The following LPGAT1 variants were observed in gnomAD, a reference collection of about 807,000 sequenced individuals.
LPGAT1 encodes acyl-CoA:lysophosphatidylglycerol acyltransferase 1.
Under a neutral mutation model 47.5 loss-of-function variants are expected in LPGAT1, and 11 were observed. That is an observed-to-expected ratio of 0.23 (90% CI 0.15 to 0.38). The LOEUF (loss-of-function observed/expected upper bound fraction) is 0.38, where lower values mean the gene tolerates loss of function less well. Ranked by LOEUF, LPGAT1 falls within the 10% of genes least tolerant of loss-of-function variation. The pLI is 1.00. For missense variants in LPGAT1, 293 were observed against 439.0 expected, an observed-to-expected ratio of 0.67 and a Z score of 2.97; for synonymous variants, 138 against 144.2, an observed-to-expected ratio of 0.96 and a Z score of 0.31.
intron 2 of LPGAT1, among the ~76,000 whole-genome samples, chr1:211,818,483 A>C (rs1660257719): frequency 1.3e-5 from 2 of 152,208 alleles, no homozygotes; most frequent in Admixed American, 1.3e-4. Flanking sequence ...AAATCTCCCT[A>C]ATTTGAAATG....
chr1:211,797,802 T>C (rs1337573049), intron 2 of LPGAT1, among the ~76,000 whole-genome samples: 1 of 152,098 alleles, frequency 6.6e-6, no homozygotes, highest in Non-Finnish European at 1.5e-5. Flanking sequence ...CTCTATGAAA[T>C]GAATTCTCAA....
chr1:211,799,609 C>T (rs1052969459), intron 2 of LPGAT1, among the ~76,000 whole-genome samples: 3 of 152,086 alleles, frequency 2.0e-5, no homozygotes, highest in African/African-American at 7.2e-5. Flanking sequence ...ATGATTATGC[C>T]AGGGAATAGG....
chr1:211,819,180 C>A (rs954547113), intron 2 of LPGAT1, among the ~76,000 whole-genome samples: 9 of 152,030 alleles, frequency 5.9e-5, no homozygotes, highest in African/African-American at 1.7e-4. Context: ...TTTCAGAAAA[C>A]CTAGGAGAAA....
At chr1:211,751,584 G>C (rs768255651) in intron 6 of LPGAT1, among the ~76,000 whole-genome samples, 4 of 152,146 alleles carry the variant, frequency 2.6e-5, no homozygotes, top group African/African-American at 4.8e-5. Context: ...TACCGGTTGG[G>C]AGTGGCTACC....
intron 6 of LPGAT1, among the ~76,000 whole-genome samples, chr1:211,771,759 T>C (rs948789910): frequency 1.3e-5 from 2 of 152,104 alleles, no homozygotes; most frequent in African/African-American, 4.8e-5. Flanking sequence ...GCCTCAGGCC[T>C]CCCAAAGTGC....
chr1:211,813,286 A>T (rs61433360), intron 2 of LPGAT1, among the ~76,000 whole-genome samples: 2,698 of 152,288 alleles, frequency 0.018, 88 homozygotes, highest in African/African-American at 0.06. Context: ...TTTGTTAAAA[A>T]TATAAGTTCC....
intron 3 of LPGAT1, among the ~76,000 whole-genome samples, chr1:211,792,595 G>T: frequency 6.8e-6 from 1 of 147,876 alleles, no homozygotes; most frequent in Admixed American, 6.7e-5. Context: ...CCCACTTCTG[G>T]GTGACTTAGA....
chr1:211,802,849 A>T (rs1659624877), intron 2 of LPGAT1, among the ~76,000 whole-genome samples: 1 of 152,218 alleles, frequency 6.6e-6, no homozygotes, highest in African/African-American at 2.4e-5. Flanking sequence ...ATGAAATTTC[A>T]AAACAATAAA....
At chr1:211,755,006 T>G (rs1571692025) in intron 6 of LPGAT1, among the ~76,000 whole-genome samples, 1 of 130,976 alleles carries the variant, frequency 7.6e-6, no homozygotes, top group African/African-American at 3.0e-5. Flanking sequence ...AGAGTAAGAC[T>G]CAGTCTCGAA....
intron 2 of LPGAT1, among the ~76,000 whole-genome samples, chr1:211,827,700 T>C (rs1000847860): frequency 5.3e-5 from 8 of 152,162 alleles, no homozygotes; most frequent in South Asian, 2.1e-4. Flanking sequence ...TTCAGCACCA[T>C]AGATTAGAAC....
At chr1:211,812,870 A>C (rs1660037303) in intron 2 of LPGAT1, among the ~76,000 whole-genome samples, 1 of 152,170 alleles carries the variant, frequency 6.6e-6, no homozygotes, top group Non-Finnish European at 1.5e-5. Context: ...GGCCCTGCTG[A>C]CACCTTGATT....
intron 2 of LPGAT1, among the ~76,000 whole-genome samples, chr1:211,816,040 C>T (rs1180091759): frequency 6.6e-6 from 1 of 152,100 alleles, no homozygotes; most frequent in Admixed American, 6.5e-5. Flanking sequence ...CTCGGCCTCC[C>T]AAAGTGCTGG....
At chr1:211,814,710 C>T (rs556326650) in intron 2 of LPGAT1, among the ~76,000 whole-genome samples, 12 of 152,272 alleles carry the variant, frequency 7.9e-5, no homozygotes, top group Admixed American at 7.2e-4. Flanking sequence ...CTTCCCTTGA[C>T]CCTATATCAC....
At chr1:211,780,549 A>G (rs1022071388) in intron 5 of LPGAT1, among the ~76,000 whole-genome samples, 2 of 152,232 alleles carry the variant, frequency 1.3e-5, no homozygotes, top group African/African-American at 4.8e-5. Context: ...ATGATATATT[A>G]CTTTTGTATG....
chr1:211,809,702 C>T (rs1043274582), intron 2 of LPGAT1, among the ~76,000 whole-genome samples: 2 of 152,162 alleles, frequency 1.3e-5, no homozygotes, highest in African/African-American at 4.8e-5. Flanking sequence ...CTCTTGCCTG[C>T]CGCCATGTAA....
intron 3 of LPGAT1, among the ~76,000 whole-genome samples, chr1:211,789,939 A>G (rs1659042265): frequency 6.6e-6 from 1 of 152,102 alleles, no homozygotes; most frequent in Non-Finnish European, 1.5e-5. Flanking sequence ...TCTTCAAAAG[A>G]AGGATGAGTA....
intron 2 of LPGAT1, among the ~76,000 whole-genome samples, chr1:211,795,121 C>A (rs1659295860): frequency 6.6e-6 from 1 of 152,090 alleles, no homozygotes; most frequent in Non-Finnish European, 1.5e-5. Flanking sequence ...GGTTCCACAA[C>A]AATGTGAATA....
Position 211,830,535 on chromosome 1 carries a change from G to A in LPGAT1, c.-28+38C>T. 1 of 1,201,512 alleles carries A rather than the reference G, an allele frequency of 8.3e-7. No homozygotes were observed. Among genetic ancestry groups the A allele is most frequent in the Non-Finnish European group, 1.0e-6 (1 of 968,176 alleles). 74.4% of individuals were successfully genotyped at this position (1,201,512 alleles called of 1,614,324 possible). A position where few individuals can be genotyped will look rare whatever the true frequency, so the allele number is the denominator to read the frequency against. On this transcript the variant is annotated intron_variant, in intron 1 of 7. Transcript: ENST00000366997. This position sits in a 1 kb window ranked among gnomAD's most constrained non-coding sequence, Gnocchi z 5.9. ...GCGCCTCCCCTGGCCCGGCTCCGCT[G>A]CCGCTCTGGGGCCTGCGACCGCGGA...
At chr1:211,807,086 A>G (rs989162081) in intron 2 of LPGAT1, among the ~76,000 whole-genome samples, 3 of 152,202 alleles carry the variant, frequency 2.0e-5, no homozygotes, top group Non-Finnish European at 2.9e-5. Context: ...GCAGGATACA[A>G]AACTGACATA....
Sources: gnomAD v4.1 joint callset for allele counts (sites outside exome capture counted in the v4.1 genomes callset) on GRCh38, gnomAD v4.1.1 for gene constraint, Gnocchi (gnomAD v3.1) non-coding constraint, MANE v1.5 for transcripts, NCBI Gene and HGNC (gene_info 2026-07-23, HGNC 2026-07-21) for gene names.